The following MYO5B variants were observed in gnomAD, a reference collection of about 807,000 sequenced individuals.
MYO5B encodes the protein myosin VB.
A neutral mutation model predicts 229.3 loss-of-function variants in MYO5B; 143 were observed. That is an observed-to-expected ratio of 0.62 (90% CI 0.54 to 0.72). MYO5B has a LOEUF of 0.72. Ranked by LOEUF, MYO5B falls within the 30% of genes least tolerant of loss-of-function variation. The pLI, the probability that MYO5B is intolerant of heterozygous loss-of-function variation, is 0.00. For missense variants in MYO5B, 2,321 were observed against 2,331.0 expected, an observed-to-expected ratio of 1.00 and a Z score of 0.09; for synonymous variants, 918 against 885.2, an observed-to-expected ratio of 1.04 and a Z score of -0.66.
chr18:50,172,288 C>CAAAAAAAA (rs55973734), intron 1 of MYO5B, among the ~76,000 whole-genome samples: 6 of 90,522 alleles, frequency 6.6e-5, no homozygotes, highest in African/African-American at 4.0e-5. Flanking sequence ...CAAAAAAAGA[C>CAAAAAAAA]AAAAAAAAAA....
At chr18:50,150,746 G>C (rs2032585715) in intron 1 of MYO5B, among the ~76,000 whole-genome samples, 1 of 152,110 alleles carries the variant, frequency 6.6e-6, no homozygotes, top group Non-Finnish European at 1.5e-5. Flanking sequence ...TGACAAGTTA[G>C]TGGGTGCAGT....
At chr18:50,029,387 A>G (rs1347541824) in intron 4 of MYO5B, among the ~76,000 whole-genome samples, 1 of 152,210 alleles carries the variant, frequency 6.6e-6, no homozygotes, top group Non-Finnish European at 1.5e-5. Context: ...GCCGGAGAAG[A>G]GATTAAAAAC....
chr18:49,851,233 G>GA (rs1224469765), intron 31 of MYO5B, among the ~76,000 whole-genome samples: 1 of 152,136 alleles, frequency 6.6e-6, no homozygotes, highest in African/African-American at 2.4e-5. Context: ...GGAAAGCCCA[G>GA]AAAATCCAAT....
intron 2 of MYO5B, among the ~76,000 whole-genome samples, chr18:50,041,238 G>C (rs1046869981): frequency 1.3e-5 from 2 of 152,150 alleles, no homozygotes; most frequent in African/African-American, 2.4e-5. Flanking sequence ...ACATTCCCAA[G>C]TAATTCTGAT....
intron 1 of MYO5B, among the ~76,000 whole-genome samples, chr18:50,189,483 T>C (rs752971003): frequency 2.0e-5 from 3 of 152,204 alleles, no homozygotes; most frequent in Non-Finnish European, 4.4e-5. Context: ...CTGTTCCCTT[T>C]TGCAGAGTGT....
At chr18:49,832,651 G>A (rs1051354971) in intron 39 of MYO5B, among the ~76,000 whole-genome samples, 3 of 152,206 alleles carry the variant, frequency 2.0e-5, no homozygotes, top group African/African-American at 4.8e-5. Context: ...AATTGCCCAC[G>A]TTTTCATCCA....
intron 21 of MYO5B, among the ~76,000 whole-genome samples, chr18:49,896,222 T>G (rs16951195): frequency 0.037 from 5,678 of 152,194 alleles, 192 homozygotes; most frequent in East Asian, 0.15. Context: ...AGTACGGCAA[T>G]GCACAAGCCA....
intron 13 of MYO5B, 26 bp downstream of exon 13, chr18:49,954,287 C>A: frequency 6.8e-6 from 11 of 1,613,390 alleles, no homozygotes; most frequent in African/African-American, 1.3e-5. Context: ...CAAGGGAATA[C>A]CCGAGCCAAC....
intron 1 of MYO5B, among the ~76,000 whole-genome samples, chr18:50,069,225 T>C (rs1392689041): frequency 6.6e-6 from 1 of 152,136 alleles, no homozygotes; most frequent in African/African-American, 2.4e-5. Flanking sequence ...ATACCCCTTA[T>C]TGGCCATTCC....
intron 17 of MYO5B, among the ~76,000 whole-genome samples, chr18:49,927,362 A>AG (rs1010714385): frequency 6.6e-6 from 1 of 151,778 alleles, no homozygotes; most frequent in Non-Finnish European, 1.5e-5. Flanking sequence ...ACAGAACTAA[A>AG]AAAAAAAAAA....
In MYO5B at chr18:50,106,563, A is replaced by G. The variant is rs558668574; in HGVS notation, c.28-51185T>C. 4.6e-5 allele frequency among the ~76,000 whole-genome samples: 7 copies of G among 152,238 alleles called. No homozygotes were observed. In the East Asian group the frequency reaches 1.4e-3, roughly 29 times the overall value. Reference sequence around the variant, plus strand: ...TTCATGCTCTTATTGCTAGGCCTTTACAGTATCCTCCCTGTGCCTGGAATG... The same window carrying G: ...TTCATGCTCTTATTGCTAGGCCTTTGCAGTATCCTCCCTGTGCCTGGAATG... On this transcript the variant is annotated intron_variant, in intron 1 of 39. Coordinates refer to ENST00000285039, the MANE Select transcript of MYO5B (RefSeq NM_001080467.3).
intron 39 of MYO5B, among the ~76,000 whole-genome samples, chr18:49,830,933 G>A (rs761686795): frequency 4.6e-5 from 7 of 150,742 alleles, no homozygotes; most frequent in Non-Finnish European, 8.8e-5. Context: ...TATGGTACTG[G>A]TATACGGACA....
chr18:50,172,077 T>A (rs2032926175), intron 1 of MYO5B, among the ~76,000 whole-genome samples: 1 of 152,074 alleles, frequency 6.6e-6, no homozygotes, highest in African/African-American at 2.4e-5. Flanking sequence ...CTCCATGAGT[T>A]TGAGACAAGC....
At chr18:50,180,824 C>T (rs894702263) in intron 1 of MYO5B, among the ~76,000 whole-genome samples, 5 of 152,198 alleles carry the variant, frequency 3.3e-5, no homozygotes, top group Non-Finnish European at 7.4e-5. Flanking sequence ...AAGGTTCATC[C>T]TTGCTGTAGC....
At position 49,824,186 on chromosome 18, in the gene MYO5B, A is replaced by T. The variant is rs1438424285; in HGVS notation, c.*2285T>A. 1.3e-5 allele frequency: 2 copies of T among 152,312 alleles called. No individual in the cohort carries two copies. Among genetic ancestry groups the T allele is most frequent in the Non-Finnish European group, 2.9e-5 (2 of 68,050 alleles). 9.4% of individuals were successfully genotyped at this position (152,312 alleles called of 1,614,324 possible). ...GCAGAGAAAATGCTAACAAAAGATT[A>T]TATAGTTCCCCTAAAGATGCTTCTT... is the stretch of plus-strand genomic sequence containing the variant. On this transcript the variant is annotated 3_prime_UTR_variant, in exon 40 of 40. Transcript: ENST00000285039.
chr18:49,847,031 G>T, intron 33 of MYO5B, 115 bp downstream of exon 33: 1 of 1,347,928 alleles, frequency 7.4e-7, no homozygotes, highest in Non-Finnish European at 1.0e-6. Flanking sequence ...GGAGACAGAG[G>T]GTGGGGGCTG....
At chr18:49,874,834 A>G (rs1033581352) in intron 26 of MYO5B, among the ~76,000 whole-genome samples, 11 of 152,204 alleles carry the variant, frequency 7.2e-5, no homozygotes, top group African/African-American at 2.7e-4. Flanking sequence ...CTCCAAAGAA[A>G]TAAATGGTTC....
chr18:50,000,270 G>A (rs1308641277), intron 5 of MYO5B, among the ~76,000 whole-genome samples: 3 of 152,204 alleles, frequency 2.0e-5, no homozygotes, highest in African/African-American at 2.4e-5. Flanking sequence ...TCAGGGCTCC[G>A]CATGGAAACC....
chr18:49,993,696 C>T (rs1235069819), intron 5 of MYO5B, among the ~76,000 whole-genome samples: 1 of 152,104 alleles, frequency 6.6e-6, no homozygotes, highest in Non-Finnish European at 1.5e-5. Context: ...ATAGCCTTAG[C>T]CTGCAACATT....
Sources: gnomAD v4.1 joint callset for allele counts (sites outside exome capture counted in the v4.1 genomes callset) on GRCh38, gnomAD v4.1.1 for gene constraint, MANE v1.5 for transcripts, NCBI Gene and HGNC (gene_info 2026-07-23, HGNC 2026-07-21) for gene names.